Variants in CCDC85A observed in about 807,000 individuals in gnomAD.
The protein encoded by CCDC85A is coiled-coil domain containing 85A.
Under a neutral mutation model 50.2 loss-of-function variants are expected in CCDC85A, and 38 were observed. The observed-to-expected ratio is 0.76, with a 90% confidence interval of 0.58 to 0.99. The LOEUF (loss-of-function observed/expected upper bound fraction) is 0.99, where lower values mean the gene tolerates loss of function less well. Ranked by LOEUF, CCDC85A falls within the 50% of genes least tolerant of loss-of-function variation. The probability of loss-of-function intolerance (pLI) is 0.00; values close to 1 mark genes in which losing one functional copy is unlikely to be tolerated. For missense variants in CCDC85A, 820 were observed against 742.0 expected (o/e 1.11, Z -1.22); for synonymous variants, 366 against 301.4 (o/e 1.21, Z -2.22).
At chr2:56,294,719 G>T (rs1422531257) in intron 2 of CCDC85A, among the ~76,000 whole-genome samples, 1 of 152,194 alleles carries the variant, frequency 6.6e-6, no homozygotes, top group Non-Finnish European at 1.5e-5. Flanking sequence ...AGAGATTTAT[G>T]TATGAAAAAG....
chr2:56,320,756 T>C (rs1323467250), intron 2 of CCDC85A, among the ~76,000 whole-genome samples: 2 of 152,020 alleles, frequency 1.3e-5, no homozygotes, highest in Non-Finnish European at 2.9e-5. Context: ...TTCCAATCAA[T>C]AGAAAAAGAG....
intron 2 of CCDC85A, among the ~76,000 whole-genome samples, chr2:56,328,984 C>A (rs529438797): frequency 6.6e-6 from 1 of 152,150 alleles, no homozygotes; most frequent in Non-Finnish European, 1.5e-5. Flanking sequence ...CACATCCGCC[C>A]TTCCTCAGTG....
rs114893945 is a variant in CCDC85A at position 56,299,875 on chromosome 2, C to T, written c.1241-43004C>T. On this transcript the variant is annotated intron_variant, in intron 2 of 5. Coordinates refer to ENST00000407595, the MANE Select transcript of CCDC85A (RefSeq NM_001080433.2). The stretch of plus-strand genomic sequence containing the variant: ...TTTACAACTGTATGAAAAAGTCTGA[C>T]ATGGGGCTGAAGAGTGAGTTTTTAC... Among the ~76,000 whole-genome samples, 1,460 of 152,240 alleles carry T rather than the reference C, an allele frequency of 9.6e-3. 9 individuals are homozygous for T. Among genetic ancestry groups the T allele is most frequent in the South Asian group, 0.015 (73 of 4,828 alleles).
At chr2:56,349,534 A>C (rs1417461119) in intron 3 of CCDC85A, among the ~76,000 whole-genome samples, 2 of 152,206 alleles carry the variant, frequency 1.3e-5, no homozygotes, top group East Asian at 3.9e-4. Flanking sequence ...GTGTAAGGCA[A>C]CATGGAGGCC....
chr2:56,219,548 A>G (rs1448908956), intron 2 of CCDC85A, among the ~76,000 whole-genome samples: 1 of 151,620 alleles, frequency 6.6e-6, no homozygotes, highest in African/African-American at 2.4e-5. Flanking sequence ...CGTTCCAACT[A>G]TTCAATATAT....
chr2:56,239,083 C>G (rs1022518618), intron 2 of CCDC85A, among the ~76,000 whole-genome samples: 1 of 151,996 alleles, frequency 6.6e-6, no homozygotes, highest in African/African-American at 2.4e-5. Flanking sequence ...TTTCCTCTCC[C>G]AAGTGCACTG....
rs755150372 is a variant in CCDC85A, at chr2:56,193,125, G to A, written c.925G>A (p.Val309Met). ...CAGCCCCGAAACGCTGCCCAAGCAC[G>A]TGCTGAGTGGGAGCCCGGAACACTT... ...GSSPETLPKHVLSGSPEHFQK... is the reference protein window; with the variant it reads ...GSSPETLPKHMLSGSPEHFQK... The change falls in exon 2 of 6, where the codon GTG becomes ATG. Residue 309 changes from valine to methionine, a missense_variant. By Grantham distance (21) the Val-to-Met change is conservative. Coordinates refer to ENST00000407595, the MANE Select transcript of CCDC85A (RefSeq NM_001080433.2). 1.2e-6 allele frequency: 2 copies of A among 1,612,946 alleles called. No homozygotes were observed. Among genetic ancestry groups the A allele is most frequent in the South Asian group, 1.1e-5 (1 of 91,000 alleles).
intron 2 of CCDC85A, among the ~76,000 whole-genome samples, chr2:56,201,760 A>T (rs1277867780): frequency 6.6e-6 from 1 of 152,306 alleles, no homozygotes; most frequent in East Asian, 1.9e-4. Context: ...GAATAGATGT[A>T]TATATTAATG....
intron 2 of CCDC85A, among the ~76,000 whole-genome samples, chr2:56,274,978 C>A (rs1160410344): frequency 6.6e-6 from 1 of 152,136 alleles, no homozygotes; most frequent in Non-Finnish European, 1.5e-5. Flanking sequence ...TCTCTGGTGT[C>A]TGTTCTTATA....
chr2:56,376,399 TTCCTC>T (rs1676339554), intron 5 of CCDC85A, among the ~76,000 whole-genome samples: 1 of 152,198 alleles, frequency 6.6e-6, no homozygotes, highest in Admixed American at 6.5e-5. Context: ...AACCTACTCT[TTCCTC>T]TTCTAAGTAG....
At chr2:56,285,211 C>G (rs559930002) in intron 2 of CCDC85A, among the ~76,000 whole-genome samples, 1 of 151,446 alleles carries the variant, frequency 6.6e-6, no homozygotes, top group African/African-American at 2.4e-5. Context: ...AAGCAATTCA[C>G]CTGCCTCGGC....
chr2:56,197,158 A>T (rs968384490), intron 2 of CCDC85A, among the ~76,000 whole-genome samples: 6 of 152,160 alleles, frequency 3.9e-5, no homozygotes, highest in African/African-American at 1.4e-4. Flanking sequence ...ATCTCTCGAG[A>T]TGGAAAGAGC....
At chr2:56,252,018 C>T (rs1479609937) in intron 2 of CCDC85A, among the ~76,000 whole-genome samples, 8 of 151,340 alleles carry the variant, frequency 5.3e-5, no homozygotes, top group African/African-American at 1.2e-4. Context: ...TGGGCTTCAT[C>T]CCCTCATAGT....
Position 56,333,475 on chromosome 2 carries a change from T to C in CCDC85A, c.1241-9404T>C, listed in dbSNP as rs550631813. Among the ~76,000 whole-genome samples, 24 of 152,266 alleles carry C rather than the reference T, an allele frequency of 1.6e-4. No homozygotes were observed. The South Asian group carries it at 5.0e-3, about 32-fold the overall frequency. The stretch of plus-strand genomic sequence containing the variant: ...AAAACAGTCAGATCACACAGGGCCC[T>C]GATGGACTTTTTAAGAACTTTGGCC... On this transcript the variant is annotated intron_variant, in intron 2 of 5. Coordinates refer to ENST00000407595, the MANE Select transcript of CCDC85A (RefSeq NM_001080433.2).
intron 2 of CCDC85A, among the ~76,000 whole-genome samples, chr2:56,323,424 T>C (rs1573257217): frequency 6.6e-6 from 1 of 152,216 alleles, no homozygotes; most frequent in South Asian, 2.1e-4. Context: ...AGGGAGGTTT[T>C]ATTTTCAAGA....
intron 3 of CCDC85A, among the ~76,000 whole-genome samples, chr2:56,367,991 G>T (rs1023840069): frequency 1.4e-5 from 1 of 70,368 alleles, no homozygotes; most frequent in African/African-American, 3.8e-5. Context: ...GCTCATAAGT[G>T]TCAGATCAAG....
chr2:56,215,789 G>C (rs966363779), intron 2 of CCDC85A, among the ~76,000 whole-genome samples: 4 of 151,774 alleles, frequency 2.6e-5, no homozygotes, highest in African/African-American at 9.7e-5. Context: ...GCTTGGGTCG[G>C]TAAATTATGG....
chr2:56,201,457 G>A (rs939117410), intron 2 of CCDC85A, among the ~76,000 whole-genome samples: 1 of 151,998 alleles, frequency 6.6e-6, no homozygotes, highest in East Asian at 1.9e-4. Flanking sequence ...TCAGAATTTT[G>A]CCTTCTGGTC....
intron 2 of CCDC85A, among the ~76,000 whole-genome samples, chr2:56,337,272 A>G (rs1391508319): frequency 6.6e-6 from 1 of 152,256 alleles, no homozygotes; most frequent in Admixed American, 6.5e-5. Context: ...ATTCACCCAA[A>G]GAACATCTTG....
Sources: gnomAD v4.1 joint callset for allele counts (sites outside exome capture counted in the v4.1 genomes callset) on GRCh38, gnomAD v4.1.1 for gene constraint, MANE v1.5 for transcripts, NCBI Gene and HGNC (gene_info 2026-07-23, HGNC 2026-07-21) for gene names.